The following CC2D2A variants were observed in gnomAD, a reference collection of about 807,000 sequenced individuals.
CC2D2A encodes coiled-coil and C2 domain containing 2A, also known as coiled-coil and C2 domain-containing protein 2A.
A neutral mutation model predicts 212.9 loss-of-function variants in CC2D2A; 155 were observed. The ratio of observed to expected loss-of-function variants is 0.73; its 90% CI spans 0.64 to 0.83. The LOEUF (loss-of-function observed/expected upper bound fraction) is 0.83. Ranked by LOEUF, CC2D2A falls within the 40% of genes least tolerant of loss-of-function variation. The pLI is 0.00. For synonymous variants in CC2D2A, 667 were observed against 686.5 expected (o/e 0.97, Z 0.44); for missense variants, 1,856 against 1,956.2 (o/e 0.95, Z 0.97).
chr4:15,567,493 C>T lies in CC2D2A; in HGVS notation c.3288+11C>T. 1 of 1,605,296 alleles carries T rather than the reference C, an allele frequency of 6.2e-7. No individual in the cohort carries two copies. Among genetic ancestry groups the T allele is most frequent in the East Asian group, 2.2e-5 (1 of 44,770 alleles). On this transcript the variant is annotated intron_variant, in intron 25 of 36. Transcript: ENST00000424120. ...TACCCCCTCGGCCAGGTGAGAGATG[C>T]TGGACTTCAGCTTTCCACCTTGCCC... is the stretch of plus-strand genomic sequence containing the variant.
At position 15,540,945 on chromosome 4, in the gene CC2D2A, C is replaced by A; in HGVS notation, c.2112C>A (p.Asp704Glu). Residue 704 changes from aspartate (D) to glutamate (E), a missense_variant, in exon 17 of 37, where the codon GAC (aspartate) becomes GAA (glutamate). By Grantham distance (45) the Asp-to-Glu change is conservative. Coordinates refer to ENST00000424120, the MANE Select transcript of CC2D2A (RefSeq NM_001378615.1). ...CAGTCAGTCGGCCACTAGGAGCAGA[C>A]TTCCGAGTTCACTTTGGGCAGATTT... ...SRTVSRPLGADFRVHFGQIFN... is the reference protein window; with the variant it reads ...SRTVSRPLGAEFRVHFGQIFN... 5.8e-6 allele frequency: 9 copies of A among 1,562,036 alleles called. No individual in the cohort carries two copies. The highest frequency in any genetic ancestry group is 2.4e-5 in the East Asian group (1 of 41,884).
At position 15,533,341 on chromosome 4, in the gene CC2D2A, T is replaced by C. The variant is rs1717952944; in HGVS notation, c.1607+8T>C. ...GAAACTTGTTTTGAGAAAGTAGGCT[T>C]TTTTGAAAAATTATTTTATTGGGCT... On this transcript the variant is annotated splice_region_variant and intron_variant, in intron 14 of 36. Transcript: ENST00000424120. The C allele has an allele frequency of 2.6e-6, 4 of 1,524,614 alleles. No homozygotes were observed. The East Asian group carries it at 9.7e-5, about 37-fold the overall frequency. 94.4% of individuals were successfully genotyped at this position (1,524,614 alleles called of 1,614,324 possible).
At chr4:15,531,444 T>C (rs1717844581) in intron 13 of CC2D2A, among the ~76,000 whole-genome samples, 1 of 152,218 alleles carries the variant, frequency 6.6e-6, no homozygotes, top group South Asian at 2.1e-4. Flanking sequence ...TCTCAGGTGT[T>C]ACTGTTGTTT....
intron 30 of CC2D2A, among the ~76,000 whole-genome samples, chr4:15,583,808 G>A (rs1044674759): frequency 2.0e-5 from 3 of 152,050 alleles, no homozygotes; most frequent in East Asian, 1.9e-4. Flanking sequence ...AAAGTTAGCC[G>A]GGCGTGGTGG....
intron 3 of CC2D2A, chr4:15,479,435 G>A (rs911920746): frequency 1.1e-6 from 1 of 909,050 alleles, no homozygotes; most frequent in Admixed American, 2.0e-5. Flanking sequence ...GGGAGGGAGG[G>A]GAGAGAAGCG....
chr4:15,481,986 T>C, intron 4 of CC2D2A: 2 of 985,402 alleles, frequency 2.0e-6, no homozygotes. Flanking sequence ...ACAATGAACA[T>C]TAGGAATTAC....
intron 18 of CC2D2A, among the ~76,000 whole-genome samples, chr4:15,551,772 C>T (rs1719020345): frequency 2.6e-5 from 4 of 152,126 alleles, no homozygotes; most frequent in Admixed American, 2.0e-4. Context: ...CAATACCTAT[C>T]TACTTATTGG....
chr4:15,532,482 CCT>C (rs1180572052), intron 13 of CC2D2A, among the ~76,000 whole-genome samples: 1 of 152,134 alleles, frequency 6.6e-6, no homozygotes, highest in African/African-American at 2.4e-5. Flanking sequence ...GTGTCCGTCC[CCT>C]GAGCTAAACT....
intron 4 of CC2D2A, 72 bp downstream of exon 4, chr4:15,480,899 G>A: frequency 6.5e-7 from 1 of 1,527,082 alleles, no homozygotes; most frequent in South Asian, 1.3e-5. Context: ...AGCAGTATAG[G>A]GATTTTTTAT....
At chr4:15,478,550 A>G (rs1208956743) in intron 2 of CC2D2A, among the ~76,000 whole-genome samples, 173 bp from the exon 3 acceptor site, 1 of 152,230 alleles carries the variant, frequency 6.6e-6, no homozygotes, top group Non-Finnish European at 1.5e-5. Context: ...AAACATGTCT[A>G]TGTTGAGAAG....
intron 32 of CC2D2A, among the ~76,000 whole-genome samples, chr4:15,588,519 AG>A (rs1392202735): frequency 1.3e-5 from 2 of 152,340 alleles, no homozygotes; most frequent in Non-Finnish European, 2.9e-5. Context: ...CAAATAGGTA[AG>A]TTTAGAAAAT....
Position 15,553,332 on chromosome 4 carries a change from G to A in CC2D2A, c.2486+27G>A, listed in dbSNP as rs747175059. The A allele has an allele frequency of 4.4e-6, 7 of 1,608,520 alleles. No homozygotes were observed. The East Asian group carries it at 1.1e-4, about 26-fold the overall frequency. The stretch of plus-strand genomic sequence containing the variant: ...TAATACATGGCAAGAGTAAATTGAT[G>A]AGCAATGTCAGTGTTATCATTAAAG... On this transcript the variant is annotated intron_variant, in intron 19 of 36. Coordinates refer to ENST00000424120, the MANE Select transcript of CC2D2A (RefSeq NM_001378615.1).
At chr4:15,476,774 T>C (rs982772488) in intron 2 of CC2D2A, among the ~76,000 whole-genome samples, 6 of 152,166 alleles carry the variant, frequency 3.9e-5, no homozygotes, top group Non-Finnish European at 8.8e-5. Context: ...TTCTGACTCA[T>C]TGTATGTAAA....
chr4:15,559,455 T>C (rs1719455133), intron 22 of CC2D2A, among the ~76,000 whole-genome samples, 198 bp downstream of exon 22: 1 of 152,236 alleles, frequency 6.6e-6, no homozygotes, highest in Non-Finnish European at 1.5e-5. Flanking sequence ...CCAGGCTATG[T>C]TCTGGTTTAT....
intron 11 of CC2D2A, among the ~76,000 whole-genome samples, chr4:15,525,034 T>G (rs1196775346): frequency 6.6e-6 from 1 of 152,186 alleles, no homozygotes; most frequent in Non-Finnish European, 1.5e-5. Flanking sequence ...GTTGAGGTCT[T>G]TTGATCCAGT....
Position 15,586,218 on chromosome 4 carries a change from G to T in CC2D2A, c.4037G>T (p.Gly1346Val), listed in dbSNP as rs1720849726. ...PFLPDTVSFG[G>V]ICDLWSTSDQ... ...TTGCCTGACACTGTCTCATTTGGTG[G>T]TATCTGTGACCTCTGGAGCACATCT... is the stretch of plus-strand genomic sequence containing the variant. The change falls in exon 31 of 37, where the codon GGT (glycine) becomes GTT (valine). Residue 1346 changes from glycine (G) to valine (V), a missense_variant. Gly to Val is a moderately radical substitution (Grantham distance 109, BLOSUM62 -3). This residue lies in a region of CC2D2A where 36 missense variants were observed against 35.5 expected (regional missense o/e 1.02). Coordinates refer to ENST00000424120, the MANE Select transcript of CC2D2A (RefSeq NM_001378615.1). 4 of 1,607,562 alleles carry T rather than the reference G, an allele frequency of 2.5e-6. No homozygotes were observed. The Admixed American group carries it at 5.0e-5, about 20-fold the overall frequency.
chr4:15,600,840 G>A (rs1721555585), intron 36 of CC2D2A, among the ~76,000 whole-genome samples: 1 of 149,278 alleles, frequency 6.7e-6, no homozygotes, highest in South Asian at 2.1e-4. Flanking sequence ...GGAGGCCGAG[G>A]CTGCAGTGGT....
Position 15,557,492 on chromosome 4 carries a change from G to T in CC2D2A, c.2814G>T (p.Met938Ile). ...KQVPVYDREI[M>I]EKVFQDYEKR... ...TTCCAGTCTATGACCGAGAAATTAT[G>T]GAAAAGGTATTCCAGGTAAGAAACT... Residue 938 changes from methionine to isoleucine, a missense_variant, in exon 21 of 37, where the codon ATG (methionine) becomes ATT (isoleucine). Around this residue, in one of 5 missense-constraint regions of CC2D2A, gnomAD observed 1,512 missense variants for 1,579.3 expected, o/e 0.96. Transcript: ENST00000424120. 1 of 1,604,520 alleles carries T rather than the reference G, an allele frequency of 6.2e-7. No individual in the cohort carries two copies.
chr4:15,578,941 C>T (rs1235695628), intron 29 of CC2D2A, among the ~76,000 whole-genome samples: 2 of 151,718 alleles, frequency 1.3e-5, no homozygotes, highest in African/African-American at 4.8e-5. Context: ...TGTGCCCAGC[C>T]CCCAAAATTA....
Sources: allele counts gnomAD v4.1 joint callset (sites outside exome capture counted in the v4.1 genomes callset), GRCh38; gene constraint gnomAD v4.1.1; regional missense constraint gnomAD v4.1.1; transcripts MANE v1.5; gene names NCBI Gene and HGNC (gene_info 2026-07-23, HGNC 2026-07-21).